Variants in KIAA1217 observed in about 807,000 individuals in gnomAD.
The protein encoded by KIAA1217 is KIAA1217.
In KIAA1217, 88 loss-of-function variants were observed where a neutral mutation model predicts 163.9. That is an observed-to-expected ratio of 0.54 (90% confidence interval 0.45 to 0.64). KIAA1217 has a LOEUF of 0.64. Ranked by LOEUF, KIAA1217 falls within the 30% of genes least tolerant of loss-of-function variation. The pLI is 0.00. For missense variants in KIAA1217, 2,372 were observed against 2,475.0 expected, an observed-to-expected ratio of 0.96 and a Z score of 0.88; for synonymous variants, 903 against 923.1, an observed-to-expected ratio of 0.98 and a Z score of 0.39.
chr10:24,329,227 T>C (rs1028851725), intron 2 of KIAA1217, among the ~76,000 whole-genome samples: 10 of 148,156 alleles, frequency 6.7e-5, no homozygotes, highest in African/African-American at 2.5e-4. Flanking sequence ...ATAAATAGTA[T>C]AAATATATGC....
At chr10:23,806,794 T>C (rs138049902) in intron 1 of KIAA1217, among the ~76,000 whole-genome samples, 2 of 152,320 alleles carry the variant, frequency 1.3e-5, no homozygotes, top group Non-Finnish European at 2.9e-5. Context: ...CACTGTACAT[T>C]TTCGAGTTAT....
At chr10:24,426,128 T>G (rs2059147834) in intron 3 of KIAA1217, among the ~76,000 whole-genome samples, 2 of 152,230 alleles carry the variant, frequency 1.3e-5, no homozygotes, top group Admixed American at 1.3e-4. Flanking sequence ...GTCAGCTGCC[T>G]GCAGAAGACG....
At chr10:23,891,232 A>C (rs1390508341) in intron 1 of KIAA1217, among the ~76,000 whole-genome samples, 1 of 151,970 alleles carries the variant, frequency 6.6e-6, no homozygotes, top group Non-Finnish European at 1.5e-5. Context: ...TTTACACTTA[A>C]TGTACCAATT....
At chr10:23,833,110 C>T (rs1269997258) in intron 1 of KIAA1217, among the ~76,000 whole-genome samples, 1 of 152,062 alleles carries the variant, frequency 6.6e-6, no homozygotes, top group Non-Finnish European at 1.5e-5. Flanking sequence ...CAACCTTAGG[C>T]TTTATATCTA....
intron 2 of KIAA1217, among the ~76,000 whole-genome samples, chr10:24,153,349 C>T (rs2064713975): frequency 1.3e-5 from 2 of 152,140 alleles, no homozygotes; most frequent in South Asian, 4.2e-4. Flanking sequence ...TCTGTGTTTT[C>T]GAGAGACATT....
rs1176059578 is a variant in KIAA1217 at position 24,363,567 on chromosome 10, G to GTT, written c.355-17288_355-17287dup. 7.6e-4 allele frequency among the ~76,000 whole-genome samples: 97 copies of GTT among 128,416 alleles called. 1 individual carries two copies. Among genetic ancestry groups the GTT allele is most frequent in the African/African-American group, 2.5e-3 (86 of 34,960 alleles). 84.2% of individuals were successfully genotyped at this position (128,416 alleles called of 152,430 possible). ...TTAGTTTTTTGTGGGTTTTGTTTTT[G>GTT]TTTTTTTTTTTTTTTGAAACAGGGT... is the stretch of plus-strand genomic sequence containing the variant. On this transcript the variant is annotated intron_variant, in intron 2 of 20. Transcript: ENST00000376454.
intron 5 of KIAA1217, among the ~76,000 whole-genome samples, chr10:24,470,053 T>C (rs1425627463): frequency 6.6e-6 from 1 of 152,262 alleles, no homozygotes; most frequent in African/African-American, 2.4e-5. Context: ...GATGAATTTA[T>C]CTCGATGTTT....
intron 1 of KIAA1217, among the ~76,000 whole-genome samples, chr10:23,811,334 T>G (rs956482995): frequency 1.3e-5 from 2 of 148,354 alleles, no homozygotes; most frequent in Admixed American, 6.9e-5. Context: ...AGTATGTATA[T>G]AGTATATGGA....
At chr10:23,982,081 C>T (rs759613671) in intron 1 of KIAA1217, among the ~76,000 whole-genome samples, 7 of 151,724 alleles carry the variant, frequency 4.6e-5, no homozygotes, top group Non-Finnish European at 7.4e-5. Context: ...AAAATTCAAG[C>T]AGAAGCTGCA....
chr10:24,219,293 G>C (rs1206849639), intron 1 of KIAA1217, among the ~76,000 whole-genome samples: 1 of 151,960 alleles, frequency 6.6e-6, no homozygotes, highest in Non-Finnish European at 1.5e-5. Flanking sequence ...TTAATTTTTT[G>C]TAGAGATAGG....
At chr10:24,097,454 G>A (rs976782550) in intron 2 of KIAA1217, among the ~76,000 whole-genome samples, 1 of 152,156 alleles carries the variant, frequency 6.6e-6, no homozygotes, top group Non-Finnish European at 1.5e-5. Flanking sequence ...TCAGGAGGCT[G>A]AGGAGGGAGG....
chr10:24,497,994 T>A (rs1351078961), intron 8 of KIAA1217, among the ~76,000 whole-genome samples: 1 of 152,170 alleles, frequency 6.6e-6, no homozygotes, highest in Non-Finnish European at 1.5e-5. Flanking sequence ...ATATATATAA[T>A]ACAATTAGGC....
chr10:23,854,108 G>T (rs1365786108), intron 1 of KIAA1217, among the ~76,000 whole-genome samples: 4 of 151,748 alleles, frequency 2.6e-5, no homozygotes, highest in Non-Finnish European at 2.9e-5. Flanking sequence ...GTGATGTTAG[G>T]GTGTCAATTT....
intron 2 of KIAA1217, among the ~76,000 whole-genome samples, chr10:24,121,641 A>G (rs1286051462): frequency 6.6e-6 from 1 of 152,230 alleles, no homozygotes; most frequent in Non-Finnish European, 1.5e-5. Flanking sequence ...AAATTTTATT[A>G]GTATACGACA....
rs145156656 is a variant in KIAA1217, at chr10:24,485,052, T to C, written c.1680-9448T>C. ...GCATGCGGGGAACACCAGGCCTGGG[T>C]GGGACTGAGCTTGGACCTCCTGGTT... On this transcript the variant is annotated intron_variant, in intron 6 of 20. Transcript: ENST00000376454. 2.5e-3 allele frequency among the ~76,000 whole-genome samples: 383 copies of C among 150,382 alleles called. 2 individuals carry two copies. The highest frequency in any genetic ancestry group is 9.0e-3 in the African/African-American group (370 of 40,990).
intron 6 of KIAA1217, among the ~76,000 whole-genome samples, chr10:24,474,588 A>G: frequency 6.6e-6 from 1 of 152,244 alleles, no homozygotes; most frequent in East Asian, 1.9e-4. Flanking sequence ...CTGAATTTGC[A>G]TGAAAATAGA....
chr10:24,069,082 C>T (rs1482071228), intron 2 of KIAA1217, among the ~76,000 whole-genome samples: 1 of 152,198 alleles, frequency 6.6e-6, no homozygotes, highest in Non-Finnish European at 1.5e-5. Flanking sequence ...TGACTTTTTA[C>T]CCACCTGCTC....
intron 1 of KIAA1217, among the ~76,000 whole-genome samples, chr10:23,880,337 T>C (rs930680188): frequency 6.6e-6 from 1 of 151,890 alleles, no homozygotes; most frequent in Admixed American, 6.6e-5. Flanking sequence ...TTAAGTAAAA[T>C]GAGCCAGGCA....
intron 2 of KIAA1217, among the ~76,000 whole-genome samples, chr10:24,280,624 A>G (rs2077809380): frequency 6.6e-6 from 1 of 151,914 alleles, no homozygotes; most frequent in Non-Finnish European, 1.5e-5. Context: ...ATCCTGGCTA[A>G]CATGGTGAAA....
Sources: gnomAD v4.1 joint callset for allele counts (sites outside exome capture counted in the v4.1 genomes callset) on GRCh38, gnomAD v4.1.1 for gene constraint, MANE v1.5 for transcripts, NCBI Gene and HGNC (gene_info 2026-07-23, HGNC 2026-07-21) for gene names.